PHF19: variants seen among roughly 807,000 people sequenced by gnomAD.
PHF19 encodes the protein PHD finger protein 19, also known as polycomb like 3.
In PHF19, 21 loss-of-function variants were observed where a neutral mutation model predicts 79.8. The observed-to-expected ratio is 0.26, with a 90% confidence interval of 0.19 to 0.38. The LOEUF is 0.38. Among genes scored for constraint, PHF19 ranks in the 10% least tolerant of loss-of-function variants. The pLI, the probability that PHF19 is intolerant of heterozygous loss-of-function variation, is 1.00. For synonymous variants in PHF19, 273 were observed against 296.3 expected, an observed-to-expected ratio of 0.92 and a Z score of 0.81; for missense variants, 445 against 744.2, an observed-to-expected ratio of 0.60 and a Z score of 4.68.
rs779233590 is a variant in PHF19 at position 120,867,012 on chromosome 9, C to A, written c.615-47G>T. ...GGTCAGCCAGGACCACACCCCCAGT[C>A]AGGTATGAGCTTCGGCAACCTTTCC... is the stretch of plus-strand genomic sequence containing the variant. On this transcript the variant is annotated intron_variant, in intron 6 of 14. Coordinates refer to ENST00000373896, the MANE Select transcript of PHF19 (RefSeq NM_015651.3). 4.5e-6 allele frequency: 5 copies of A among 1,109,706 alleles called. No homozygotes were observed. In the African/African-American group the frequency reaches 6.1e-5, roughly 14 times the overall value. The allele number at this position is 1,109,706 out of a possible 1,614,324, so 68.7% of individuals were successfully genotyped here.
rs899526060 is a variant in PHF19, at chr9:120,862,322, C to G, written c.1130+266G>C. Among the ~76,000 whole-genome samples the G allele has an allele frequency of 6.6e-6, 1 of 152,220 alleles. No individual in the cohort carries two copies. Among genetic ancestry groups the G allele is most frequent in the Non-Finnish European group, 1.5e-5 (1 of 68,026 alleles). On this transcript the variant is annotated intron_variant, in intron 11 of 14. Coordinates refer to ENST00000373896, the MANE Select transcript of PHF19 (RefSeq NM_015651.3). The surrounding 1 kb of genome is among the most constrained non-coding windows in gnomAD (Gnocchi z 4.6). ...GAGAGAGAGGGACCCCTCACACACC[C>G]TGCCTTCCCCTTCACCTCCTTGCCC...
At chr9:120,865,657 C>A in intron 9 of PHF19, 53 bp downstream of exon 9, 3 of 1,610,034 alleles carry the variant, frequency 1.9e-6, no homozygotes, top group Non-Finnish European at 2.5e-6. Flanking sequence ...CACTGCGTGG[C>A]CCTGGGCAAA....
At chr9:120,886,539 T>G (rs571973068) in intron 1 of PHF19, among the ~76,000 whole-genome samples, 6 of 152,344 alleles carry the variant, frequency 3.9e-5, no homozygotes, top group South Asian at 2.1e-4. Flanking sequence ...CCACGAGTCA[T>G]TTATTCACTC....
At position 120,857,813 on chromosome 9, in the gene PHF19, G is replaced by A. The variant is rs1263881002; in HGVS notation, c.*131C>T. 4 of 606,658 alleles carry A rather than the reference G, an allele frequency of 6.6e-6. No homozygotes were observed. The highest frequency in any genetic ancestry group is 3.7e-5 in the African/African-American group (2 of 53,688). 37.6% of individuals were successfully genotyped at this position (606,658 alleles called of 1,614,324 possible). On this transcript the variant is annotated 3_prime_UTR_variant, in exon 15 of 15. Transcript: ENST00000373896. ...CTTGGCCTGGCAGGCAGGCAGGCAGGGCATTCTGCCAGGCACTTGCAGCTC... is the reference window on the plus strand; with the variant it reads ...CTTGGCCTGGCAGGCAGGCAGGCAGAGCATTCTGCCAGGCACTTGCAGCTC...
chr9:120,863,296 A>C (rs2045591841), intron 10 of PHF19, among the ~76,000 whole-genome samples: 1 of 151,462 alleles, frequency 6.6e-6, no homozygotes, highest in South Asian at 2.1e-4. Context: ...AACCATGAGA[A>C]TGTGGAAGAG....
At chr9:120,902,612 C>T in the PHF19 span, 1 of 152,260 alleles carries the variant, frequency 6.6e-6, no homozygotes, top group African/African-American at 2.4e-5. Context: ...CAGACCCTGC[C>T]CTCAGCCAAG....
At chr9:120,883,496 T>C (rs2046218286) in intron 1 of PHF19, among the ~76,000 whole-genome samples, 1 of 152,146 alleles carries the variant, frequency 6.6e-6, no homozygotes, top group Admixed American at 6.5e-5. Context: ...CGGTGGCTCA[T>C]GCCTGAAATC....
At chr9:120,886,346 G>A (rs1261822986) in intron 1 of PHF19, among the ~76,000 whole-genome samples, 1 of 152,234 alleles carries the variant, frequency 6.6e-6, no homozygotes, top group Admixed American at 6.5e-5. Context: ...AGGCTCTGGG[G>A]AGTTATATGT....
intron 3 of PHF19, among the ~76,000 whole-genome samples, chr9:120,872,923 G>C (rs111547260): frequency 6.6e-6 from 1 of 152,164 alleles, no homozygotes; most frequent in African/African-American, 2.4e-5. Context: ...CGCCTGGCTG[G>C]TAACAAATTC....
At chr9:120,882,666 A>G (rs1341473079) in intron 1 of PHF19, among the ~76,000 whole-genome samples, 1 of 151,842 alleles carries the variant, frequency 6.6e-6, no homozygotes, top group African/African-American at 2.4e-5. Flanking sequence ...ACATGATGAA[A>G]CCCCATCTTT....
the PHF19 span, chr9:120,902,969 G>A: frequency 4.6e-5 from 7 of 152,318 alleles, no homozygotes; most frequent in Admixed American, 4.6e-4. Flanking sequence ...ATCAGAAATA[G>A]GCAATCAAAA....
upstream of PHF19, chr9:120,877,395 T>TGGAGCCCGCGGCCGCC: frequency 1.0e-6 from 1 of 973,650 alleles, no homozygotes; most frequent in Non-Finnish European, 1.2e-6. Context: ...GCCTCGCCAT[T>TGGAGCCCGCGGCCGCC]GGAGCCCGCG....
chr9:120,870,384 G>A lies in PHF19; in HGVS notation c.364+59C>T, dbSNP rs2045859002. 8 of 1,033,986 alleles carry A rather than the reference G, an allele frequency of 7.7e-6. No individual in the cohort carries two copies. The Admixed American group carries it at 1.4e-4, about 18-fold the overall frequency. 64.1% of individuals were successfully genotyped at this position (1,033,986 alleles called of 1,614,324 possible). On this transcript the variant is annotated intron_variant, in intron 4 of 14. Transcript: ENST00000373896. This position sits in a 1 kb window ranked among gnomAD's most constrained non-coding sequence, Gnocchi z 4.4. ...CAGGCTGCAGCAGTACCCGTCAGGG[G>A]CCAGTGCGTGGGGACCTATAGGTCG... is the stretch of plus-strand genomic sequence containing the variant.
chr9:120,877,454 C>A, upstream of PHF19: 1 of 696,030 alleles, frequency 1.4e-6, no homozygotes, highest in South Asian at 6.2e-5. Context: ...CCCGCCCGCC[C>A]CGCGGGCGCG....
At chr9:120,877,609 C>G (rs2046107438), upstream of PHF19, among the ~76,000 whole-genome samples, 1 of 152,198 alleles carries the variant, frequency 6.6e-6, no homozygotes, top group African/African-American at 2.4e-5. Context: ...CGCGCAGGCA[C>G]CGGCGGACCC....
At chr9:120,859,549 C>G (rs1263538067) in intron 14 of PHF19, among the ~76,000 whole-genome samples, 3 of 152,212 alleles carry the variant, frequency 2.0e-5, no homozygotes, top group African/African-American at 7.2e-5. Flanking sequence ...GTTGCCAGAC[C>G]AGTTGTACTG....
Position 120,864,034 on chromosome 9 carries a change from C to A in PHF19, c.968+15G>T, listed in dbSNP as rs2045620786. 6.2e-7 allele frequency: 1 copy of A among 1,610,446 alleles called. No individual in the cohort carries two copies. Among genetic ancestry groups the A allele is most frequent in the African/African-American group, 1.3e-5 (1 of 74,872 alleles). ...TAGAGGGCCCCACCACACTCCCTCC[C>A]CTCCCTGCACGCACCGGCTTTTATA... On this transcript the variant is annotated intron_variant, in intron 10 of 14. Transcript: ENST00000373896.
intron 1 of PHF19, among the ~76,000 whole-genome samples, chr9:120,886,436 G>A (rs2046263877): frequency 6.6e-6 from 1 of 152,208 alleles, no homozygotes; most frequent in African/African-American, 2.4e-5. Context: ...ACAGAAAGTG[G>A]GTGGGGGGAA....
upstream of PHF19, among the ~76,000 whole-genome samples, chr9:120,880,213 G>A (rs775044023): frequency 6.6e-6 from 1 of 152,256 alleles, no homozygotes; most frequent in Non-Finnish European, 1.5e-5. Flanking sequence ...AGTCCAGATA[G>A]GCCAGGCACT....
Sources: allele counts gnomAD v4.1 joint callset (sites outside exome capture counted in the v4.1 genomes callset), GRCh38; gene constraint gnomAD v4.1.1; non-coding constraint Gnocchi (gnomAD v3.1); transcripts MANE v1.5; gene names NCBI Gene and HGNC (gene_info 2026-07-23, HGNC 2026-07-21).